MAGI1: variants seen among roughly 807,000 people sequenced by gnomAD.
The protein encoded by MAGI1 is membrane associated guanylate kinase, WW and PDZ domain containing 1.
Under a neutral mutation model 139.9 loss-of-function variants are expected in MAGI1, and 58 were observed. That is an observed-to-expected ratio of 0.41 (90% CI 0.34 to 0.52). MAGI1 has a LOEUF of 0.52. MAGI1 is among the 20% of genes least tolerant of loss of function. MAGI1 has a pLI of 0.12. For synonymous variants in MAGI1, 812 were observed against 737.9 expected (o/e 1.10, Z -1.63); for missense variants, 1,874 against 1,901.6 (o/e 0.99, Z 0.27).
At chr3:65,397,299 C>T (rs530118621) in intron 13 of MAGI1, among the ~76,000 whole-genome samples, 2 of 152,310 alleles carry the variant, frequency 1.3e-5, no homozygotes, top group Non-Finnish European at 2.9e-5. Context: ...AAAGGAGTCT[C>T]TCCCTCACAT....
chr3:65,675,932 T>C (rs1470936705), intron 1 of MAGI1, among the ~76,000 whole-genome samples: 2 of 152,192 alleles, frequency 1.3e-5, no homozygotes, highest in Non-Finnish European at 2.9e-5. Context: ...CAAAGATAAT[T>C]ATGGCAGGAC....
chr3:65,576,755 C>G (rs932262586), intron 2 of MAGI1, among the ~76,000 whole-genome samples: 1 of 152,116 alleles, frequency 6.6e-6, no homozygotes, highest in Admixed American at 6.5e-5. Context: ...TTTCTGAATC[C>G]TTTCACTACT....
At chr3:65,965,511 T>C (rs2064695224) in intron 1 of MAGI1, among the ~76,000 whole-genome samples, 1 of 152,056 alleles carries the variant, frequency 6.6e-6, no homozygotes, top group Non-Finnish European at 1.5e-5. Flanking sequence ...TGTTAGGGGG[T>C]GCTGAAGACA....
intron 14 of MAGI1, among the ~76,000 whole-genome samples, chr3:65,385,589 G>C (rs1943384340): frequency 6.6e-6 from 1 of 152,190 alleles, no homozygotes; most frequent in Non-Finnish European, 1.5e-5. Flanking sequence ...AAAATGTATA[G>C]TGAATGAATA....
rs1284842601 is a variant in MAGI1, at chr3:65,936,910, T to TG, written c.313+101085dup. On this transcript the variant is annotated intron_variant, in intron 1 of 22. Transcript: ENST00000402939. ...CTGAGCTCAGGTTCAAAGTTGTTGTTGTTGTTGTTGGTGGTGGTGGTGGTG... is the reference window on the plus strand; with the variant it reads ...CTGAGCTCAGGTTCAAAGTTGTTGTTGGTTGTTGTTGGTGGTGGTGGTGGTG... 8.4e-4 allele frequency among the ~76,000 whole-genome samples: 115 copies of TG among 136,860 alleles called. 1 individual carries two copies. The highest frequency in any genetic ancestry group is 9.2e-4 in the African/African-American group (32 of 34,830). 89.8% of individuals were successfully genotyped at this position (136,860 alleles called of 152,430 possible). A position where few individuals can be genotyped will look rare whatever the true frequency, so the allele number is the denominator to read the frequency against.
chr3:65,497,708 C>T (rs569900025), intron 2 of MAGI1, among the ~76,000 whole-genome samples: 9 of 152,238 alleles, frequency 5.9e-5, no homozygotes, highest in African/African-American at 1.9e-4. Flanking sequence ...TTTTCAGATC[C>T]AATTTGTCAG....
In MAGI1 at chr3:65,522,088, A is replaced by G. The variant is rs535844731; in HGVS notation, c.431-28457T>C. 3.9e-5 allele frequency among the ~76,000 whole-genome samples: 6 copies of G among 152,294 alleles called. No homozygotes were observed. In the South Asian group the frequency reaches 1.0e-3, roughly 26 times the overall value. On this transcript the variant is annotated intron_variant, in intron 2 of 22. Transcript: ENST00000402939. The stretch of plus-strand genomic sequence containing the variant: ...CTCCTTCACTCTTACAATGGCCTTC[A>G]CCAAGAGCAGTATTTTCTGCCACAA...
intron 1 of MAGI1, among the ~76,000 whole-genome samples, chr3:65,857,952 G>C (rs1225384238): frequency 1.3e-5 from 2 of 152,074 alleles, no homozygotes; most frequent in Non-Finnish European, 2.9e-5. Flanking sequence ...GTTTTAAATA[G>C]TATTCATTCT....
chr3:65,968,204 C>G (rs2064850862), intron 1 of MAGI1, among the ~76,000 whole-genome samples: 1 of 152,094 alleles, frequency 6.6e-6, no homozygotes, highest in Non-Finnish European at 1.5e-5. Context: ...AGCAATTTGG[C>G]AATATCGAAC....
chr3:65,661,323 ATGT>A (rs2086177618), intron 1 of MAGI1, among the ~76,000 whole-genome samples: 1 of 152,164 alleles, frequency 6.6e-6, no homozygotes, highest in South Asian at 2.1e-4. Flanking sequence ...TGAATTCTGT[ATGT>A]TGTTTTGGAA....
intron 1 of MAGI1, among the ~76,000 whole-genome samples, chr3:65,831,377 T>C (rs1276364914): frequency 2.6e-5 from 4 of 152,190 alleles, no homozygotes; most frequent in Non-Finnish European, 5.9e-5. Context: ...CTAAAACAAG[T>C]ACAGGCTGAA....
intron 3 of MAGI1, among the ~76,000 whole-genome samples, chr3:65,479,590 T>C (rs1052766590): frequency 2.0e-5 from 3 of 152,146 alleles, no homozygotes; most frequent in Non-Finnish European, 2.9e-5. Flanking sequence ...TGGTAAGTTA[T>C]GATACCAATA....
chr3:65,560,846 G>C (rs1439491746), intron 2 of MAGI1, among the ~76,000 whole-genome samples: 2 of 152,226 alleles, frequency 1.3e-5, no homozygotes, highest in Admixed American at 1.3e-4. Flanking sequence ...TCAGTGATTA[G>C]TCCAGATGGG....
At chr3:65,498,197 A>C (rs1952585615) in intron 2 of MAGI1, among the ~76,000 whole-genome samples, 1 of 152,062 alleles carries the variant, frequency 6.6e-6, no homozygotes, top group South Asian at 2.1e-4. Context: ...CCATGCTTCT[A>C]ACAAAGCCAG....
intron 3 of MAGI1, among the ~76,000 whole-genome samples, chr3:65,479,200 G>C (rs576485781): frequency 1.3e-5 from 2 of 152,278 alleles, no homozygotes; most frequent in African/African-American, 4.8e-5. Flanking sequence ...CATCCTTACA[G>C]GCCTAAAAAG....
intron 1 of MAGI1, among the ~76,000 whole-genome samples, chr3:65,666,821 G>A (rs146339910): frequency 6.6e-6 from 1 of 152,156 alleles, no homozygotes; most frequent in African/African-American, 2.4e-5. Context: ...CAATCACGGA[G>A]ACAGCTTTGG....
intron 2 of MAGI1, among the ~76,000 whole-genome samples, chr3:65,585,632 T>C (rs964290000): frequency 6.6e-6 from 1 of 152,168 alleles, no homozygotes; most frequent in Non-Finnish European, 1.5e-5. Flanking sequence ...GTTGGACATA[T>C]ATGTGCCATA....
At chr3:65,929,859 G>A (rs886266142) in intron 1 of MAGI1, among the ~76,000 whole-genome samples, 3 of 152,092 alleles carry the variant, frequency 2.0e-5, no homozygotes, top group Non-Finnish European at 2.9e-5. Context: ...AGAGTGGGCT[G>A]GGGAGAAATT....
intron 1 of MAGI1, among the ~76,000 whole-genome samples, chr3:65,953,163 T>C (rs537309660): frequency 2.0e-5 from 3 of 152,272 alleles, no homozygotes; most frequent in South Asian, 2.1e-4. Context: ...ACTCTACTCA[T>C]TGCAAGTGAG....
Sources: allele counts gnomAD v4.1 joint callset (sites outside exome capture counted in the v4.1 genomes callset), GRCh38; gene constraint gnomAD v4.1.1; transcripts MANE v1.5; gene names NCBI Gene and HGNC (gene_info 2026-07-23, HGNC 2026-07-21).